The following SH3TC1 variants were observed in gnomAD, a reference collection of about 807,000 sequenced individuals.
The protein encoded by SH3TC1 is SH3 domain and tetratricopeptide repeats 1, also known as SH3 domain and tetratricopeptide repeat-containing protein 1.
Under a neutral mutation model 117.3 loss-of-function variants are expected in SH3TC1, and 135 were observed. The observed-to-expected ratio is 1.15, with a 90% CI of 1.00 to 1.33. The LOEUF is 1.33. SH3TC1 is among the 40% of genes most tolerant of loss of function. SH3TC1 has a pLI of 0.00. For missense variants in SH3TC1, 2,092 were observed against 1,794.3 expected (o/e 1.17, Z -3.00); for synonymous variants, 898 against 816.9 (o/e 1.10, Z -1.69).
chr4:8,187,492 C>T (rs1042514228), intron 1 of SH3TC1, among the ~76,000 whole-genome samples: 3 of 152,114 alleles, frequency 2.0e-5, no homozygotes, highest in Non-Finnish European at 4.4e-5. Flanking sequence ...CCCATTTACC[C>T]AGCTATCCCA....
intron 1 of SH3TC1, among the ~76,000 whole-genome samples, chr4:8,193,240 C>T (rs1483308715): frequency 6.6e-6 from 1 of 152,222 alleles, no homozygotes; most frequent in African/African-American, 2.4e-5. Context: ...ATGGGAGAAC[C>T]AGCAGCCTGC....
chr4:8,230,396 A>G (rs1721082207), intron 12 of SH3TC1, among the ~76,000 whole-genome samples: 2 of 151,822 alleles, frequency 1.3e-5, no homozygotes, highest in Admixed American at 6.6e-5. Flanking sequence ...TCGGCCTCAC[A>G]AAGTGCTGGG....
At chr4:8,232,354 C>G in intron 13 of SH3TC1, 198 bp downstream of exon 13, 1 of 1,573,514 alleles carries the variant, frequency 6.4e-7, no homozygotes, top group Non-Finnish European at 8.6e-7. Flanking sequence ...CCAGCTTGAG[C>G]TTCCCTTGTT....
At chr4:8,200,885 C>G (rs1035388613) in intron 1 of SH3TC1, among the ~76,000 whole-genome samples, 25 of 152,318 alleles carry the variant, frequency 1.6e-4, no homozygotes, top group African/African-American at 5.5e-4. Context: ...TGTGTGTCTC[C>G]GTGTCCTCTC....
At chr4:8,201,806 T>A (rs1412533409) in intron 1 of SH3TC1, 1 of 152,252 alleles carries the variant, frequency 6.6e-6, no homozygotes, top group Non-Finnish European at 1.5e-5. Flanking sequence ...AAGCCCTGGA[T>A]GCCGTTTCGA....
intron 1 of SH3TC1, among the ~76,000 whole-genome samples, chr4:8,203,013 G>A (rs1717939607): frequency 6.6e-6 from 1 of 152,338 alleles, no homozygotes; most frequent in Non-Finnish European, 1.5e-5. Context: ...ATGGGGGCAG[G>A]GGTGATGGCT....
Position 8,227,655 on chromosome 4 carries a change from G to T in SH3TC1, c.1961G>T (p.Arg654Leu). The change falls in exon 12 of 18, where the codon CGG (arginine) becomes CTG (leucine). Residue 654 changes from arginine to leucine, a missense_variant. Arg to Leu is a moderately radical substitution (Grantham distance 102, BLOSUM62 -2). Transcript: ENST00000245105. ...EGELLQLALRRAVGGQSLQAE... is the reference protein window; with the variant it reads ...EGELLQLALRLAVGGQSLQAE... ...GAGCTCCTGCAGCTGGCGCTGCGGC[G>T]GGCGGTGGGTGGCCAGAGCCTGCAG... The T allele has an allele frequency of 2.0e-6, 3 of 1,527,580 alleles. No homozygotes were observed. Among genetic ancestry groups the T allele is most frequent in the Non-Finnish European group, 2.6e-6 (3 of 1,139,732 alleles). The allele number at this position is 1,527,580 out of a possible 1,614,324, so 94.6% of individuals were successfully genotyped here.
At chr4:8,216,750 C>T (rs183607906) in intron 6 of SH3TC1, among the ~76,000 whole-genome samples, 1 of 152,284 alleles carries the variant, frequency 6.6e-6, no homozygotes, top group East Asian at 1.9e-4. Flanking sequence ...CTGAGCCAGC[C>T]TCACACACCA....
chr4:8,197,598 T>C (rs2152975602), upstream of SH3TC1, among the ~76,000 whole-genome samples: 1 of 152,292 alleles, frequency 6.6e-6, no homozygotes, highest in African/African-American at 2.4e-5. Context: ...ACCCACCGTG[T>C]GCTCACTGAG....
chr4:8,217,821 CT>C (rs1326770195), intron 7 of SH3TC1, among the ~76,000 whole-genome samples: 1 of 152,128 alleles, frequency 6.6e-6, no homozygotes, highest in Non-Finnish European at 1.5e-5. Context: ...GTCCAGCTTC[CT>C]TTTTTTTCTG....
chr4:8,227,674 C>G lies in SH3TC1; in HGVS notation c.1980C>G (p.Ser660Arg). ...TGCGGCGGGCGGTGGGTGGCCAGAG[C>G]CTGCAGGCCGAGGCCCGGGCCTGCT... ...LALRRAVGGQ[S>R]LQAEARACFL... The change falls in exon 12 of 18, where the codon AGC becomes AGG. Residue 660 changes from serine (S) to arginine (R), a missense_variant. Physicochemically the swap from Ser to Arg is moderately radical, Grantham distance 110. Transcript: ENST00000245105. 1 of 1,537,688 alleles carries G rather than the reference C, an allele frequency of 6.5e-7. No individual in the cohort carries two copies. Among genetic ancestry groups the G allele is most frequent in the Non-Finnish European group, 8.8e-7 (1 of 1,142,614 alleles).
intron 9 of SH3TC1, among the ~76,000 whole-genome samples, chr4:8,221,879 C>CT (rs1386751923): frequency 6.6e-6 from 1 of 152,062 alleles, no homozygotes; most frequent in East Asian, 1.9e-4. Flanking sequence ...GCTTTTCAGT[C>CT]TTTTTCTGAT....
At chr4:8,239,591 C>T (rs1722153983) in intron 17 of SH3TC1, among the ~76,000 whole-genome samples, 1 of 151,932 alleles carries the variant, frequency 6.6e-6, no homozygotes, top group South Asian at 2.1e-4. Context: ...CACACGCACA[C>T]AGGCACGTGC....
At chr4:8,208,420 T>C (rs1561682816) in intron 2 of SH3TC1, among the ~76,000 whole-genome samples, 1 of 148,066 alleles carries the variant, frequency 6.8e-6, no homozygotes, top group South Asian at 2.1e-4. Context: ...CAGGCTGGAG[T>C]GCAATGGTGT....
chr4:8,240,444 T>C (rs550936431), intron 17 of SH3TC1, among the ~76,000 whole-genome samples: 74 of 152,216 alleles, frequency 4.9e-4, no homozygotes, highest in Middle Eastern at 3.4e-3. Flanking sequence ...AAGCAGCCAC[T>C]GCCTGCAGAG....
Position 8,217,091 on chromosome 4 carries a change from T to C in SH3TC1, c.763T>C (p.Ser255Pro). The C allele has an allele frequency of 6.2e-7, 1 of 1,612,708 alleles. No individual in the cohort carries two copies. Among genetic ancestry groups the C allele is most frequent in the African/African-American group, 1.3e-5 (1 of 75,062 alleles). ...QGEAAPETDS[S>P]PPSPSVSSEE... Reference sequence around the variant, plus strand: ...AGAGGCGGCCCCGGAAACAGACTCTTCACCGCCGAGCCCCAGCGTGTCCTC... The same window carrying C: ...AGAGGCGGCCCCGGAAACAGACTCTCCACCGCCGAGCCCCAGCGTGTCCTC... The change falls in exon 7 of 18, where the codon TCA becomes CCA. Residue 255 changes from serine (S) to proline (P), a missense_variant. Physicochemically the swap from Ser to Pro is moderately conservative, Grantham distance 74 (BLOSUM62 -1). Coordinates refer to ENST00000245105, the MANE Select transcript of SH3TC1 (RefSeq NM_018986.5).
chr4:8,219,415 G>A lies in SH3TC1; in HGVS notation c.997G>A (p.Glu333Lys), dbSNP rs770782541. 12 of 1,611,542 alleles carry A rather than the reference G, an allele frequency of 7.4e-6. No individual in the cohort carries two copies. In the South Asian group the frequency reaches 1.1e-4, roughly 15 times the overall value. ...GACCTTCCGAGGTGGCGACCTCATC[G>A]AGATCCTTGGGGCGCAGGTGCCCAG... ...EMTFRGGDLI[E>K]ILGAQVPSLP... is the part of the protein sequence containing the mutation. The change falls in exon 9 of 18, where the codon GAG (glutamate) becomes AAG (lysine). Residue 333 changes from glutamate to lysine, a missense_variant. Glu to Lys is a moderately conservative substitution (Grantham distance 56). Transcript: ENST00000245105.
At chr4:8,184,587 C>T (rs892385396) in intron 1 of SH3TC1, among the ~76,000 whole-genome samples, 6 of 152,152 alleles carry the variant, frequency 3.9e-5, no homozygotes, top group African/African-American at 1.2e-4. Flanking sequence ...TCATGTTGCT[C>T]AGGCTGGTCT....
intron 1 of SH3TC1, among the ~76,000 whole-genome samples, chr4:8,184,649 G>T (rs879563903): frequency 6.6e-6 from 1 of 152,186 alleles, no homozygotes; most frequent in African/African-American, 2.4e-5. Context: ...AAAGTACTGG[G>T]ATTACAGGTA....
Sources: allele counts gnomAD v4.1 joint callset (sites outside exome capture counted in the v4.1 genomes callset), GRCh38; gene constraint gnomAD v4.1.1; transcripts MANE v1.5; gene names NCBI Gene and HGNC (gene_info 2026-07-23, HGNC 2026-07-21).